Variants in TMTC4 observed in about 807,000 individuals in gnomAD.
TMTC4 encodes the protein protein O-mannosyl-transferase TMTC4.
TMTC4 carries 65 observed loss-of-function variants against 86.0 expected under a neutral mutation model. The ratio of observed to expected loss-of-function variants is 0.76; its 90% CI spans 0.62 to 0.93. TMTC4 has a LOEUF of 0.93. Ranked by LOEUF, TMTC4 falls within the 40% of genes least tolerant of loss-of-function variation. The pLI, the probability that TMTC4 is intolerant of heterozygous loss-of-function variation, is 0.00. For missense variants in TMTC4, 866 were observed against 948.1 expected, an observed-to-expected ratio of 0.91 and a Z score of 1.14; for synonymous variants, 379 against 382.5, an observed-to-expected ratio of 0.99 and a Z score of 0.11.
In TMTC4 at chr13:100,668,725, T is replaced by G. The variant is rs61746911; in HGVS notation, c.73A>C (p.Thr25Pro). The G allele has an allele frequency of 4.3e-6, 7 of 1,614,240 alleles. No homozygotes were observed. In the East Asian group the frequency reaches 1.6e-4, roughly 36 times the overall value. Residue 25 changes from threonine to proline, a missense_variant, in exon 3 of 19, where the codon ACT (threonine) becomes CCT (proline). Thr to Pro is a conservative substitution (Grantham distance 38, BLOSUM62 -1). Transcript: ENST00000342624. ...PAVFRMAVLD[T>P]DLDHILPSSV... is the part of the protein sequence containing the mutation. ...GATGGAAGAATGTGATCCAAATCAG[T>G]GTCCAACACGGCCATTCTGAAAACT...
At chr13:100,628,719 C>T (rs1331393257) in intron 12 of TMTC4, among the ~76,000 whole-genome samples, 4 of 152,120 alleles carry the variant, frequency 2.6e-5, no homozygotes, top group South Asian at 2.1e-4. Flanking sequence ...CACCTTGGAA[C>T]GAGGGCATCA....
At chr13:100,671,546 G>C (rs890336946) in intron 1 of TMTC4, among the ~76,000 whole-genome samples, 1 of 152,162 alleles carries the variant, frequency 6.6e-6, no homozygotes, top group Middle Eastern at 3.2e-3. Flanking sequence ...TGCCCTGGTA[G>C]GAGGCCAGGT....
At chr13:100,663,513 A>G (rs758062201) in intron 4 of TMTC4, among the ~76,000 whole-genome samples, 6 of 152,168 alleles carry the variant, frequency 3.9e-5, no homozygotes, top group Non-Finnish European at 8.8e-5. Context: ...AAGAAGATAT[A>G]ATATTCCACA....
intron 15 of TMTC4, among the ~76,000 whole-genome samples, chr13:100,623,242 A>C (rs1879819585): frequency 6.6e-6 from 1 of 152,078 alleles, no homozygotes; most frequent in African/African-American, 2.4e-5. Context: ...TTACTTACTT[A>C]ATTTTTTTGA....
Position 100,637,658 on chromosome 13 carries a change from G to A in TMTC4, c.879C>T (p.Thr293=). The stretch of plus-strand genomic sequence containing the variant: ...TCCCAGCCCCTCCAGAGGTGAGCAG[G>A]GTCATTCTGAAGAGGAGGCCCCCGT... ...LRNGGLLFRM[T]LLTSGGAGML... The change falls in exon 9 of 19, where the codon ACC becomes ACT. Residue 293 remains threonine (T), a synonymous_variant. Coordinates refer to ENST00000342624, the MANE Select transcript of TMTC4 (RefSeq NM_032813.5). 2 of 1,614,170 alleles carry A rather than the reference G, an allele frequency of 1.2e-6. No homozygotes were observed. Among genetic ancestry groups the A allele is most frequent in the Non-Finnish European group, 8.5e-7 (1 of 1,180,024 alleles).
rs1878679235 is a variant in TMTC4, at chr13:100,617,406, G to C, written c.1837-2976C>G. Among the ~76,000 whole-genome samples the C allele has an allele frequency of 3.3e-5, 5 of 152,218 alleles. No homozygotes were observed. In the South Asian group the frequency reaches 1.0e-3, roughly 32 times the overall value. On this transcript the variant is annotated intron_variant, in intron 15 of 18. Transcript: ENST00000342624. ...CCTGCCTTGGCTCCCAAAGTGCTGG[G>C]AATACAGGTGTGAGCCACTGAGCTC...
chr13:100,656,072 T>C (rs1489718314), intron 6 of TMTC4, among the ~76,000 whole-genome samples: 1 of 152,214 alleles, frequency 6.6e-6, no homozygotes, highest in Non-Finnish European at 1.5e-5. Context: ...CCTGGAATCA[T>C]TCGCAATCCT....
chr13:100,649,878 A>G (rs1290488893), intron 6 of TMTC4, among the ~76,000 whole-genome samples: 5 of 152,076 alleles, frequency 3.3e-5, no homozygotes, highest in Non-Finnish European at 7.4e-5. Flanking sequence ...AACAGTACAA[A>G]TAAATTCTGA....
chr13:100,662,642 C>G (rs1448099538), intron 5 of TMTC4, among the ~76,000 whole-genome samples: 1 of 152,184 alleles, frequency 6.6e-6, no homozygotes, highest in East Asian at 1.9e-4. Context: ...CGTGCCTTCA[C>G]AGCTGGTGTT....
intron 3 of TMTC4, among the ~76,000 whole-genome samples, chr13:100,667,869 G>C (rs1304550007): frequency 6.6e-6 from 1 of 152,184 alleles, no homozygotes; most frequent in African/African-American, 2.4e-5. Flanking sequence ...TTTTTAGCCT[G>C]CTTGAATCTT....
At chr13:100,633,170 G>A (rs1056158135) in intron 12 of TMTC4, among the ~76,000 whole-genome samples, 1 of 151,894 alleles carries the variant, frequency 6.6e-6, no homozygotes, top group Non-Finnish European at 1.5e-5. Flanking sequence ...AAATTAGCCG[G>A]GCATAGTGGC....
intron 1 of TMTC4, chr13:100,673,247 C>T (rs1401761365): frequency 1.1e-6 from 1 of 904,152 alleles, no homozygotes; most frequent in East Asian, 1.2e-4. Flanking sequence ...AGCTGTGAAC[C>T]ATGAGGGCCC....
intron 1 of TMTC4, among the ~76,000 whole-genome samples, chr13:100,671,691 C>G (rs1002854478): frequency 2.0e-5 from 3 of 152,158 alleles, no homozygotes; most frequent in Non-Finnish European, 4.4e-5. Context: ...CCAGTTCTGG[C>G]TGGCTCTCCC....
chr13:100,606,371 G>A lies in TMTC4; in HGVS notation c.2121C>T (p.Tyr707=). The stretch of plus-strand genomic sequence containing the variant: ...CATTTTTCTTACCCAAATTACCATG[G>A]TAACTTGCAGCATTTGGATTTGCTT... ...AIKANPNAAS[Y]HGNLAVLYHR... Residue 707 remains tyrosine (Y), a synonymous_variant, in exon 18 of 19, where the codon TAC becomes TAT. Coordinates refer to ENST00000342624, the MANE Select transcript of TMTC4 (RefSeq NM_032813.5). The A allele has an allele frequency of 6.2e-7, 1 of 1,613,166 alleles. No individual in the cohort carries two copies. The highest frequency in any genetic ancestry group is 8.5e-7 in the Non-Finnish European group (1 of 1,179,798).
At chr13:100,656,569 G>A (rs377693288) in intron 5 of TMTC4, 101 bp from the exon 6 acceptor site, 7 of 521,354 alleles carry the variant, frequency 1.3e-5, no homozygotes, top group Non-Finnish European at 1.5e-5. Context: ...TTGCGACAGG[G>A]TCTCACTCTG....
chr13:100,612,588 G>T (rs1877788511), intron 16 of TMTC4, 78 bp from the exon 17 acceptor site: 1 of 1,041,130 alleles, frequency 9.6e-7, no homozygotes, highest in Non-Finnish European at 1.5e-6. Flanking sequence ...AACTAACAGG[G>T]TTTATGTGCA....
intron 6 of TMTC4, 123 bp from the exon 7 acceptor site, chr13:100,642,434 T>G: frequency 9.6e-7 from 1 of 1,042,384 alleles, no homozygotes; most frequent in East Asian, 2.4e-5. Context: ...GGGTTTGGGC[T>G]TCAGACAGCA....
intron 7 of TMTC4, among the ~76,000 whole-genome samples, chr13:100,641,285 C>A (rs778691716): frequency 6.6e-6 from 1 of 152,268 alleles, no homozygotes; most frequent in South Asian, 2.1e-4. Flanking sequence ...AGTTATTAAT[C>A]TTGTAATTTC....
Position 100,637,530 on chromosome 13 carries a change from G to C in TMTC4, c.999+8C>G, listed in dbSNP as rs1474064308. The C allele has an allele frequency of 1.9e-6, 3 of 1,610,430 alleles. No homozygotes were observed. Among genetic ancestry groups the C allele is most frequent in the Middle Eastern group, 1.8e-4 (1 of 5,462 alleles). ...AAGAGTCCAGGGGGCGGCAGGCTCA[G>C]AACTCACCCTCACCAGCATGCTGTC... On this transcript the variant is annotated splice_region_variant and intron_variant, in intron 9 of 18. Coordinates refer to ENST00000342624, the MANE Select transcript of TMTC4 (RefSeq NM_032813.5).
Sources: allele counts gnomAD v4.1 joint callset (sites outside exome capture counted in the v4.1 genomes callset), GRCh38; gene constraint gnomAD v4.1.1; transcripts MANE v1.5; gene names NCBI Gene and HGNC (gene_info 2026-07-23, HGNC 2026-07-21).